ZNF423: variants seen among roughly 807,000 people sequenced by gnomAD.
ZNF423 encodes the protein zinc finger protein 423.
In ZNF423, 12 loss-of-function variants were observed where a neutral mutation model predicts 95.8. The ratio of observed to expected loss-of-function variants is 0.13; its 90% confidence interval spans 0.08 to 0.20. The LOEUF (loss-of-function observed/expected upper bound fraction) is 0.20, where lower values mean the gene tolerates loss of function less well. Among genes scored for constraint, ZNF423 ranks in the 10% least tolerant of loss-of-function variants. ZNF423 has a pLI of 1.00. For missense variants in ZNF423, 1,316 were observed against 1,737.1 expected (o/e 0.76, Z 4.31); for synonymous variants, 749 against 711.9 (o/e 1.05, Z -0.83).
intron 2 of ZNF423, among the ~76,000 whole-genome samples, chr16:49,739,900 C>T (rs1343371945): frequency 1.3e-5 from 2 of 151,826 alleles, no homozygotes; most frequent in African/African-American, 4.8e-5. Flanking sequence ...GCTGTGTCAC[C>T]CAGGCTGGAG....
intron 1 of ZNF423, among the ~76,000 whole-genome samples, chr16:49,836,263 T>A (rs951545062): frequency 1.3e-5 from 2 of 152,170 alleles, no homozygotes; most frequent in Non-Finnish European, 2.9e-5. Context: ...GCCCACCACC[T>A]GTCTCAAATG....
intron 1 of ZNF423, among the ~76,000 whole-genome samples, chr16:49,800,877 G>A (rs970301455): frequency 1.1e-4 from 17 of 152,136 alleles, no homozygotes; most frequent in Non-Finnish European, 2.5e-4. Flanking sequence ...AACAGGGAAG[G>A]GAAGGAAAAA....
At chr16:49,842,510 G>A (rs887618986) in intron 1 of ZNF423, among the ~76,000 whole-genome samples, 2 of 151,912 alleles carry the variant, frequency 1.3e-5, no homozygotes, top group East Asian at 1.9e-4. Flanking sequence ...ATTTTAGGAG[G>A]CCAAGGTGGA....
chr16:49,797,249 G>C (rs749842913), intron 1 of ZNF423, among the ~76,000 whole-genome samples: 31 of 152,116 alleles, frequency 2.0e-4, no homozygotes, highest in Non-Finnish European at 1.6e-4. Context: ...ACCAGGCAGG[G>C]AGGCCAAGCA....
intron 5 of ZNF423, among the ~76,000 whole-genome samples, chr16:49,616,894 C>T (rs536704088): frequency 4.0e-4 from 61 of 152,254 alleles, no homozygotes; most frequent in African/African-American, 1.4e-3. Context: ...AACACTAATA[C>T]AATATTGATA....
chr16:49,752,327 T>G (rs1262723703), intron 2 of ZNF423, among the ~76,000 whole-genome samples: 1 of 151,884 alleles, frequency 6.6e-6, no homozygotes, highest in Non-Finnish European at 1.5e-5. Flanking sequence ...GGGCCTGGGG[T>G]CTTCAACATC....
At position 49,706,817 on chromosome 16, in the gene ZNF423, C is replaced by T. The variant is rs143868017; in HGVS notation, c.301+23954G>A. 9.5e-3 allele frequency among the ~76,000 whole-genome samples: 1,440 copies of T among 152,278 alleles called. 16 individuals are homozygous for T. The highest frequency in any genetic ancestry group is 0.033 in the African/African-American group (1,391 of 41,554). ...CAGAAGAGAAAGTCCAGAACCCAGA[C>T]AAAGTGAGGTAATGGCTCCGGGCAC... On this transcript the variant is annotated intron_variant, in intron 3 of 7. Coordinates refer to ENST00000563137, the MANE Select transcript of ZNF423 (RefSeq NM_001379286.1).
chr16:49,581,368 A>C (rs1567482046), intron 5 of ZNF423, among the ~76,000 whole-genome samples: 2 of 152,256 alleles, frequency 1.3e-5, no homozygotes, highest in Non-Finnish European at 1.5e-5. Context: ...TATCATTATA[A>C]TACTTAAAAT....
chr16:49,853,547 CTGA>C, intron 1 of ZNF423: 1 of 786,118 alleles, frequency 1.3e-6, no homozygotes, highest in South Asian at 5.7e-5. Context: ...CTCTGTGTGG[CTGA>C]TATTTACAAC....
chr16:49,526,967 G>C (rs2151711614), intron 5 of ZNF423, among the ~76,000 whole-genome samples: 1 of 152,328 alleles, frequency 6.6e-6, no homozygotes, highest in South Asian at 2.1e-4. Context: ...CTCACTGAAG[G>C]CGCCAGGTGC....
chr16:49,601,661 A>G (rs1301841672), intron 5 of ZNF423, among the ~76,000 whole-genome samples: 1 of 152,242 alleles, frequency 6.6e-6, no homozygotes, highest in Non-Finnish European at 1.5e-5. Flanking sequence ...TGCAACGTCA[A>G]TGACACAGGG....
chr16:49,567,852 C>T (rs1970240560), intron 5 of ZNF423, among the ~76,000 whole-genome samples: 1 of 152,318 alleles, frequency 6.6e-6, no homozygotes, highest in South Asian at 2.1e-4. Context: ...GTGGACCCAG[C>T]TCTAAGTACT....
At position 49,489,790 on chromosome 16, in the gene ZNF423, A is replaced by T. The variant is rs1966896891; in HGVS notation, c.*1485T>A. The stretch of plus-strand genomic sequence containing the variant: ...TAGCAAGGAAGGGTTTCCCCGTGCA[A>T]GTTCTGGCCTCTGATTGGCAAGTCA... On this transcript the variant is annotated 3_prime_UTR_variant, in exon 8 of 8. Coordinates refer to ENST00000563137, the MANE Select transcript of ZNF423 (RefSeq NM_001379286.1). 2.0e-5 allele frequency: 3 copies of T among 152,512 alleles called. No homozygotes were observed. The highest frequency in any genetic ancestry group is 1.3e-4 in the Admixed American group (2 of 15,298). 9.4% of individuals were successfully genotyped at this position (152,512 alleles called of 1,614,324 possible). A position where few individuals can be genotyped will look rare whatever the true frequency, so the allele number is the denominator to read the frequency against.
chr16:49,822,466 ATCCGGCCCCCT>A (rs2034956851), intron 1 of ZNF423, among the ~76,000 whole-genome samples: 1 of 152,076 alleles, frequency 6.6e-6, no homozygotes, highest in African/African-American at 2.4e-5. Context: ...GAGCCACCAC[ATCCGGCCCCCT>A]GCAGGAATTT....
intron 3 of ZNF423, among the ~76,000 whole-genome samples, chr16:49,651,899 A>G (rs576143666): frequency 5.3e-5 from 8 of 152,282 alleles, no homozygotes; most frequent in African/African-American, 1.9e-4. Context: ...AGCTAAACCT[A>G]CAGTTACCCG....
rs577637879 is a variant in ZNF423, at chr16:49,655,943, G to A, written c.302-17069C>T. 2.0e-5 allele frequency among the ~76,000 whole-genome samples: 3 copies of A among 152,266 alleles called. No homozygotes were observed. In the East Asian group the frequency reaches 5.8e-4, roughly 29 times the overall value. ...GTGGGTGCACGAGGTAACTCCAGTGGGGTTTTGTTCATCGGGTCCAGGGCA... is the reference window on the plus strand; with the variant it reads ...GTGGGTGCACGAGGTAACTCCAGTGAGGTTTTGTTCATCGGGTCCAGGGCA... On this transcript the variant is annotated intron_variant, in intron 3 of 7. Coordinates refer to ENST00000563137, the MANE Select transcript of ZNF423 (RefSeq NM_001379286.1).
At chr16:49,678,667 C>A (rs551326803) in intron 3 of ZNF423, among the ~76,000 whole-genome samples, 22 of 152,334 alleles carry the variant, frequency 1.4e-4, no homozygotes, top group Non-Finnish European at 2.8e-4. Context: ...CTCCTCACCC[C>A]TGCACTGGGA....
At chr16:49,654,101 T>G (rs2151907238) in intron 3 of ZNF423, among the ~76,000 whole-genome samples, 2 of 152,314 alleles carry the variant, frequency 1.3e-5, no homozygotes, top group South Asian at 4.1e-4. Context: ...GGCCCTGACT[T>G]CCACAGCAAT....
At chr16:49,505,611 G>A (rs965971927) in intron 7 of ZNF423, among the ~76,000 whole-genome samples, 2 of 152,104 alleles carry the variant, frequency 1.3e-5, no homozygotes, top group Admixed American at 6.5e-5. Context: ...TTGTGTGCAC[G>A]CACCAGTGAT....
Sources: allele counts gnomAD v4.1 joint callset (sites outside exome capture counted in the v4.1 genomes callset), GRCh38; gene constraint gnomAD v4.1.1; transcripts MANE v1.5; gene names NCBI Gene and HGNC (gene_info 2026-07-23, HGNC 2026-07-21).